The following KCNQ1 variants were observed in gnomAD, a reference collection of about 807,000 sequenced individuals.
KCNQ1 encodes potassium voltage-gated channel subfamily Q member 1, also known as potassium voltage-gated channel subfamily KQT member 1.
KCNQ1 carries 49 observed loss-of-function variants against 72.4 expected under a neutral mutation model. That is an observed-to-expected ratio of 0.68 (90% CI 0.54 to 0.86). KCNQ1 has a LOEUF of 0.86. Among genes scored for constraint, KCNQ1 ranks in the 40% least tolerant of loss-of-function variants. The probability of loss-of-function intolerance (pLI) is 0.00; values close to 1 mark genes in which losing one functional copy is unlikely to be tolerated. For synonymous variants in KCNQ1, 450 were observed against 412.6 expected, an observed-to-expected ratio of 1.09 and a Z score of -1.10; for missense variants, 790 against 945.1, an observed-to-expected ratio of 0.84 and a Z score of 2.15.
chr11:2,755,558 C>G (rs1846286085), intron 11 of KCNQ1, among the ~76,000 whole-genome samples: 1 of 152,240 alleles, frequency 6.6e-6, no homozygotes, highest in South Asian at 2.1e-4. Context: ...TGTGCCTGGC[C>G]AGGGCCTTCA....
Position 2,544,064 on chromosome 11 carries a change from G to A in KCNQ1, c.477+16046G>A, listed in dbSNP as rs1012539271. On this transcript the variant is annotated intron_variant, in intron 2 of 15. Transcript: ENST00000155840. This position sits in a 1 kb window ranked among gnomAD's most constrained non-coding sequence, Gnocchi z 4.4. ...CTATTTCAAGTTGTGTTGGTTGTTC[G>A]GGGTCCTTTGCATTTACATATAAAT... 2.0e-5 allele frequency among the ~76,000 whole-genome samples: 3 copies of A among 151,934 alleles called. No homozygotes were observed. Among genetic ancestry groups the A allele is most frequent in the African/African-American group, 4.8e-5 (2 of 41,334 alleles).
chr11:2,796,866 G>A (rs1261326455), intron 15 of KCNQ1, among the ~76,000 whole-genome samples: 2 of 152,212 alleles, frequency 1.3e-5, no homozygotes, highest in African/African-American at 4.8e-5. Context: ...GATGGGGCAG[G>A]GAAACGTTCG....
At chr11:2,821,766 G>T (rs1417059900) in intron 15 of KCNQ1, among the ~76,000 whole-genome samples, 2 of 152,094 alleles carry the variant, frequency 1.3e-5, no homozygotes, top group Non-Finnish European at 1.5e-5. Flanking sequence ...TCCTATAGGG[G>T]TTCCTTAAAG....
intron 11 of KCNQ1, chr11:2,665,762 C>G: frequency 2.5e-6 from 1 of 398,498 alleles, no homozygotes; most frequent in East Asian, 3.6e-5. Context: ...TGGAGAAGCC[C>G]TAGGATTGCT....
chr11:2,780,461 G>A (rs886922032), intron 15 of KCNQ1, among the ~76,000 whole-genome samples: 13 of 152,252 alleles, frequency 8.5e-5, no homozygotes, highest in Admixed American at 7.2e-4. Flanking sequence ...CGCCGGCCCT[G>A]CCAACCCCAG....
intron 11 of KCNQ1, among the ~76,000 whole-genome samples, chr11:2,737,664 A>T (rs1845981024): frequency 6.6e-6 from 1 of 152,090 alleles, no homozygotes; most frequent in South Asian, 2.1e-4. Context: ...CTTCGTGCTG[A>T]CTCGGCCCTC....
At chr11:2,460,774 G>C (rs1456300426) in intron 1 of KCNQ1, among the ~76,000 whole-genome samples, 4 of 152,222 alleles carry the variant, frequency 2.6e-5, no homozygotes, top group Non-Finnish European at 5.9e-5. Context: ...AGGGTGGTAG[G>C]TGTGTCTCCA....
At chr11:2,570,879 A>G in intron 3 of KCNQ1, 125 bp downstream of exon 3, 1 of 1,302,510 alleles carries the variant, frequency 7.7e-7, no homozygotes, top group Non-Finnish European at 1.1e-6. Flanking sequence ...GCAGGGGGTG[A>G]CTGCCCAGGA....
In KCNQ1 at chr11:2,719,331, C is replaced by CAAAAAAA. The variant is rs34225799; in HGVS notation, c.1515-49503_1515-49497dup. On this transcript the variant is annotated intron_variant, in intron 11 of 15. Transcript: ENST00000155840. Reference sequence around the variant, plus strand: ...CAGTATAACGAGACTCTGTCTCTACCAAAAAAAAAAAAAAAAGAGCCATAC... The same window carrying CAAAAAAA: ...CAGTATAACGAGACTCTGTCTCTACCAAAAAAAAAAAAAAAAAAAAAAAGAGCCATAC... Among the ~76,000 whole-genome samples the CAAAAAAA allele has an allele frequency of 1.6e-5, 2 of 126,022 alleles. 1 individual carries two copies. The highest frequency in any genetic ancestry group is 3.3e-5 in the Non-Finnish European group (2 of 61,428). The allele number at this position is 126,022 out of a possible 152,430, so 82.7% of individuals were successfully genotyped here.
intron 10 of KCNQ1, chr11:2,646,663 T>G: frequency 2.5e-6 from 1 of 398,628 alleles, no homozygotes; most frequent in Non-Finnish European, 4.4e-6. Context: ...GTAGCTGAAC[T>G]TCAGGTGCAG....
chr11:2,805,338 A>G (rs1847350369), intron 15 of KCNQ1, among the ~76,000 whole-genome samples: 5 of 152,222 alleles, frequency 3.3e-5, no homozygotes, highest in Admixed American at 2.0e-4. Flanking sequence ...TGGGGAGAAA[A>G]CTGCAGCCGA....
chr11:2,558,689 A>C (rs955987362), intron 2 of KCNQ1, among the ~76,000 whole-genome samples: 1 of 151,854 alleles, frequency 6.6e-6, no homozygotes, highest in African/African-American at 2.4e-5. Context: ...GAGGCACCTC[A>C]TTAAACCGCC....
At position 2,588,947 on chromosome 11, in the gene KCNQ1, G is replaced by C; in HGVS notation, c.1393+93G>C. ...GCAAGCCAGTGAGTTTCTCCCTTGG[G>C]CTGTGGTCTCTGACAACGAGGTATG... On this transcript the variant is annotated intron_variant, in intron 10 of 15. Coordinates refer to ENST00000155840, the MANE Select transcript of KCNQ1 (RefSeq NM_000218.3). The surrounding 1 kb of genome is among the most constrained non-coding windows in gnomAD (Gnocchi z 5.6). 1 of 1,459,864 alleles carries C rather than the reference G, an allele frequency of 6.8e-7. No homozygotes were observed. The highest frequency in any genetic ancestry group is 9.4e-7 in the Non-Finnish European group (1 of 1,064,566). The allele number at this position is 1,459,864 out of a possible 1,614,324, so 90.4% of individuals were successfully genotyped here.
In KCNQ1 at chr11:2,544,772, C is replaced by T. The variant is rs1483814056; in HGVS notation, c.477+16754C>T. ...TCTGAACATAGAGACAGTTTTACCT[C>T]TTTTTTTCAAATGTGGACGCCTATT... On this transcript the variant is annotated intron_variant, in intron 2 of 15. Transcript: ENST00000155840. This position sits in a 1 kb window ranked among gnomAD's most constrained non-coding sequence, Gnocchi z 4.4. Among the ~76,000 whole-genome samples the T allele has an allele frequency of 6.6e-6, 1 of 152,144 alleles. No homozygotes were observed. Among genetic ancestry groups the T allele is most frequent in the Admixed American group, 6.5e-5 (1 of 15,272 alleles).
chr11:2,548,932 C>T (rs1248411530), intron 2 of KCNQ1, among the ~76,000 whole-genome samples: 1 of 152,196 alleles, frequency 6.6e-6, no homozygotes, highest in African/African-American at 2.4e-5. Flanking sequence ...TACTGTCCCC[C>T]GACTACCACT....
intron 15 of KCNQ1, among the ~76,000 whole-genome samples, chr11:2,801,141 G>C (rs1847254795): frequency 6.6e-6 from 1 of 152,186 alleles, no homozygotes; most frequent in Admixed American, 6.5e-5. Flanking sequence ...AGTGCAGTCA[G>C]GTTTGGAGTG....
chr11:2,530,032 C>T (rs1176890444), intron 2 of KCNQ1, among the ~76,000 whole-genome samples: 2 of 152,058 alleles, frequency 1.3e-5, no homozygotes, highest in South Asian at 2.1e-4. Context: ...GTTTCATGTC[C>T]TATCACATTG....
Position 2,463,012 on chromosome 11 carries a change from C to T in KCNQ1, c.386+17528C>T, listed in dbSNP as rs976693414. Among the ~76,000 whole-genome samples the T allele has an allele frequency of 3.3e-5, 5 of 152,084 alleles. No individual in the cohort carries two copies. Among genetic ancestry groups the T allele is most frequent in the Admixed American group, 1.3e-4 (2 of 15,282 alleles). ...GCCCCTGAACTGGTAAGCGGGGCAG[C>T]GGCGGCAGGGGGCCCAGGGAAGTGG... On this transcript the variant is annotated intron_variant, in intron 1 of 15. Coordinates refer to ENST00000155840, the MANE Select transcript of KCNQ1 (RefSeq NM_000218.3). The surrounding 1 kb of genome is among the most constrained non-coding windows in gnomAD (Gnocchi z 7.0).
intron 1 of KCNQ1, among the ~76,000 whole-genome samples, chr11:2,466,940 A>C (rs934402500): frequency 6.6e-6 from 1 of 152,212 alleles, no homozygotes; most frequent in Non-Finnish European, 1.5e-5. Context: ...GGGTTGCAGC[A>C]GTGAGCATGA....
Sources: gnomAD v4.1 joint callset for allele counts (sites outside exome capture counted in the v4.1 genomes callset) on GRCh38, gnomAD v4.1.1 for gene constraint, Gnocchi (gnomAD v3.1) non-coding constraint, MANE v1.5 for transcripts, NCBI Gene and HGNC (gene_info 2026-07-23, HGNC 2026-07-21) for gene names.